The following WWOX variants were observed in gnomAD, a reference collection of about 807,000 sequenced individuals.
WWOX encodes WW domain containing oxidoreductase.
Under a neutral mutation model 46.2 loss-of-function variants are expected in WWOX, and 69 were observed. The ratio of observed to expected loss-of-function variants is 1.49; its 90% CI spans 1.23 to 1.82. WWOX has a LOEUF of 1.82. Among genes scored for constraint, WWOX ranks in the 40% most tolerant of loss-of-function variants. WWOX has a pLI of 0.00. For missense variants in WWOX, 919 were observed against 542.6 expected (o/e 1.69, Z -6.89); for synonymous variants, 359 against 202.6 (o/e 1.77, Z -6.56).
intron 8 of WWOX, among the ~76,000 whole-genome samples, chr16:78,974,834 G>A (rs149358875): frequency 1.9e-4 from 29 of 152,190 alleles, no homozygotes; most frequent in Non-Finnish European, 3.2e-4. Context: ...CCGGGAAGCA[G>A]AGGCAATTTA....
intron 8 of WWOX, among the ~76,000 whole-genome samples, chr16:79,035,736 G>A (rs1056577934): frequency 5.9e-5 from 9 of 151,822 alleles, no homozygotes; most frequent in Admixed American, 2.0e-4. Context: ...ACGGGGTTTC[G>A]CCATGTTGGC....
At chr16:79,051,362 C>T (rs1283159839) in intron 8 of WWOX, among the ~76,000 whole-genome samples, 1 of 152,208 alleles carries the variant, frequency 6.6e-6, no homozygotes, top group African/African-American at 2.4e-5. Flanking sequence ...AAATCCAAAA[C>T]AGGTGCTGTG....
At chr16:78,405,483 C>G (rs1464778191) in intron 6 of WWOX, among the ~76,000 whole-genome samples, 1 of 152,180 alleles carries the variant, frequency 6.6e-6, no homozygotes, top group South Asian at 2.1e-4. Context: ...CAAGCTGATA[C>G]TGATTTTATA....
intron 5 of WWOX, among the ~76,000 whole-genome samples, chr16:78,320,959 T>C (rs1223202945): frequency 6.6e-6 from 1 of 152,134 alleles, no homozygotes; most frequent in Non-Finnish European, 1.5e-5. Context: ...AATTGTCTTG[T>C]TTACAATTAG....
At chr16:79,099,744 T>A in intron 8 of WWOX, among the ~76,000 whole-genome samples, 1 of 152,292 alleles carries the variant, frequency 6.6e-6, no homozygotes, top group Middle Eastern at 3.4e-3. Flanking sequence ...AATCTCTAAT[T>A]TGAGACTTCT....
chr16:78,617,359 A>C (rs1370702746), intron 8 of WWOX, among the ~76,000 whole-genome samples: 1 of 150,076 alleles, frequency 6.7e-6, no homozygotes, highest in East Asian at 2.0e-4. Flanking sequence ...CCGACATTGC[A>C]CCACTGCACC....
chr16:78,726,761 T>G (rs1182693045), intron 8 of WWOX, among the ~76,000 whole-genome samples: 1 of 151,906 alleles, frequency 6.6e-6, no homozygotes, highest in Non-Finnish European at 1.5e-5. Flanking sequence ...TGGTTGAATT[T>G]CCCTCTGTGG....
At chr16:78,790,885 G>A (rs2050579597) in intron 8 of WWOX, among the ~76,000 whole-genome samples, 1 of 151,672 alleles carries the variant, frequency 6.6e-6, no homozygotes, top group Non-Finnish European at 1.5e-5. Context: ...CGGGCGTTTT[G>A]GTGCTTGCTT....
rs980054982 is a variant in WWOX, at chr16:78,114,024, A to C, written c.231-952A>C. The stretch of plus-strand genomic sequence containing the variant: ...TCTGAGGTCTTTATCTCATATCCCA[A>C]GAATACATTTAAGATATAAAAAGTA... On this transcript the variant is annotated intron_variant, in intron 3 of 8. Coordinates refer to ENST00000566780, the MANE Select transcript of WWOX (RefSeq NM_016373.4). Among the ~76,000 whole-genome samples the C allele has an allele frequency of 2.0e-5, 3 of 151,986 alleles. No homozygotes were observed. In the East Asian group the frequency reaches 5.8e-4, roughly 29 times the overall value.
intron 4 of WWOX, among the ~76,000 whole-genome samples, chr16:78,126,164 C>G (rs143261433): frequency 6.6e-6 from 1 of 152,074 alleles, no homozygotes; most frequent in African/African-American, 2.4e-5. Context: ...GTGGTACATT[C>G]GGGTGGTTTC....
chr16:78,397,238 T>G (rs890633067), intron 6 of WWOX, among the ~76,000 whole-genome samples: 1 of 151,052 alleles, frequency 6.6e-6, no homozygotes, highest in Non-Finnish European at 1.5e-5. Context: ...AAGTGCTGTT[T>G]CAATAACGAA....
chr16:79,139,647 C>T (rs191289449), intron 8 of WWOX, among the ~76,000 whole-genome samples: 1 of 151,642 alleles, frequency 6.6e-6, no homozygotes, highest in East Asian at 1.9e-4. Context: ...AAAAGCAGGC[C>T]GATCTTGTTG....
chr16:78,172,308 G>C (rs867095961), intron 5 of WWOX, among the ~76,000 whole-genome samples: 1 of 152,108 alleles, frequency 6.6e-6, no homozygotes, highest in Admixed American at 6.5e-5. Context: ...CTTCCTTTTC[G>C]AGTAGTATAT....
intron 8 of WWOX, among the ~76,000 whole-genome samples, chr16:79,210,733 A>T (rs1315479445): frequency 6.6e-6 from 1 of 152,140 alleles, no homozygotes; most frequent in African/African-American, 2.4e-5. Flanking sequence ...TGCAAAGCAA[A>T]GTGATTTCTT....
chr16:78,788,260 T>C (rs2050505498), intron 8 of WWOX, among the ~76,000 whole-genome samples: 1 of 152,336 alleles, frequency 6.6e-6, no homozygotes, highest in East Asian at 1.9e-4. Context: ...GGTGTTATGA[T>C]ATATATAGGG....
intron 8 of WWOX, among the ~76,000 whole-genome samples, chr16:78,469,950 A>C (rs1391731918): frequency 1.3e-5 from 2 of 152,244 alleles, no homozygotes; most frequent in East Asian, 3.9e-4. Flanking sequence ...TCTACATTGT[A>C]TGTTGGTACG....
At chr16:78,880,084 G>T (rs1001573817) in intron 8 of WWOX, among the ~76,000 whole-genome samples, 3 of 152,152 alleles carry the variant, frequency 2.0e-5, no homozygotes, top group Non-Finnish European at 4.4e-5. Flanking sequence ...GATACCGTAT[G>T]CAACTTGTCA....
intron 4 of WWOX, among the ~76,000 whole-genome samples, chr16:78,127,276 T>C (rs900878778): frequency 2.2e-4 from 34 of 152,100 alleles, no homozygotes; most frequent in Non-Finnish European, 2.9e-5. Flanking sequence ...TAATAACGTG[T>C]AGCCATTTCT....
intron 8 of WWOX, among the ~76,000 whole-genome samples, chr16:78,847,042 A>G (rs895057040): frequency 6.6e-6 from 1 of 152,206 alleles, no homozygotes; most frequent in Non-Finnish European, 1.5e-5. Flanking sequence ...CCCTTTTGAC[A>G]TGCCCCGTTC....
Sources: gnomAD v4.1 joint callset for allele counts (sites outside exome capture counted in the v4.1 genomes callset) on GRCh38, gnomAD v4.1.1 for gene constraint, MANE v1.5 for transcripts, NCBI Gene and HGNC (gene_info 2026-07-23, HGNC 2026-07-21) for gene names.